Variants in RAP1B observed in about 807,000 individuals in gnomAD.
RAP1B encodes the protein RAP1B, member of RAS oncogene family.
Under a neutral mutation model 27.5 loss-of-function variants are expected in RAP1B, and 1 was observed. The ratio of observed to expected loss-of-function variants is 0.04; its 90% CI spans 0.01 to 0.17. The LOEUF is 0.17. Ranked by LOEUF, RAP1B falls within the 10% of genes least tolerant of loss-of-function variation. The pLI, the probability that RAP1B is intolerant of heterozygous loss-of-function variation, is 1.00. For synonymous variants in RAP1B, 75 were observed against 73.1 expected (o/e 1.03, Z -0.13); for missense variants, 84 against 214.8 (o/e 0.39, Z 3.81).
At chr12:68,636,335 T>G (rs1173161361) in intron 1 of RAP1B, among the ~76,000 whole-genome samples, 1 of 152,238 alleles carries the variant, frequency 6.6e-6, no homozygotes, top group Non-Finnish European at 1.5e-5. Flanking sequence ...CAATTGTCTC[T>G]GGAACCCAGA....
At position 68,664,307 on chromosome 12, in the gene RAP1B, C is replaced by G. The variant is rs928692720; in HGVS notation, c.*5058C>G. 1 of 152,168 alleles carries G rather than the reference C, an allele frequency of 6.6e-6. No homozygotes were observed. The highest frequency in any genetic ancestry group is 2.4e-5 in the African/African-American group (1 of 41,434). 9.4% of individuals were successfully genotyped at this position (152,168 alleles called of 1,614,324 possible). A position where few individuals can be genotyped will look rare whatever the true frequency, so the allele number is the denominator to read the frequency against. On this transcript the variant is annotated 3_prime_UTR_variant, in exon 8 of 8. Transcript: ENST00000250559. ...TTCTATTTATGTCTGGTAGTTATGT[C>G]CCCTGTGAGCACTAATTTCAGAACA...
At position 68,669,357 on chromosome 12, in the gene RAP1B, G is replaced by T. The variant is rs1004526141; in HGVS notation, c.*10108G>T. ...AATGATTACAATTTAAATTTCAACT[G>T]GCTGAGGCTTTGTTTTTGTTTTTGA... is the stretch of plus-strand genomic sequence containing the variant. On this transcript the variant is annotated 3_prime_UTR_variant, in exon 8 of 8. Transcript: ENST00000250559. 3 of 152,122 alleles carry T rather than the reference G, an allele frequency of 2.0e-5. No individual in the cohort carries two copies. The highest frequency in any genetic ancestry group is 4.4e-5 in the Non-Finnish European group (3 of 68,026). The allele number at this position is 152,122 out of a possible 1,614,324, so 9.4% of individuals were successfully genotyped here.
At chr12:68,642,306 C>G (rs1297222434) in intron 1 of RAP1B, among the ~76,000 whole-genome samples, 1 of 151,848 alleles carries the variant, frequency 6.6e-6, no homozygotes, top group Non-Finnish European at 1.5e-5. Context: ...AATCTTGTCA[C>G]TTATACTGGA....
intron 1 of RAP1B, among the ~76,000 whole-genome samples, chr12:68,618,212 G>A (rs549441460): frequency 7.0e-6 from 1 of 143,428 alleles, no homozygotes; most frequent in African/African-American, 2.6e-5. Flanking sequence ...TCAGCCTCTC[G>A]AGTAGCTGGG....
In RAP1B at chr12:68,660,835, A is replaced by G. The variant is rs909323534; in HGVS notation, c.*1586A>G. ...ATTTGATGAGGTAGGTAAAAGAGGA[A>G]CGATTTAACATACTTTCATGGATGT... On this transcript the variant is annotated 3_prime_UTR_variant, in exon 8 of 8. Coordinates refer to ENST00000250559, the MANE Select transcript of RAP1B (RefSeq NM_001010942.3). 6 of 152,212 alleles carry G rather than the reference A, an allele frequency of 3.9e-5. No individual in the cohort carries two copies. The highest frequency in any genetic ancestry group is 7.2e-5 in the African/African-American group (3 of 41,456). The allele number at this position is 152,212 out of a possible 1,614,324, so 9.4% of individuals were successfully genotyped here.
intron 1 of RAP1B, 23 bp downstream of exon 1, chr12:68,611,066 C>T (rs1207472690): frequency 1.5e-5 from 4 of 266,150 alleles, no homozygotes; most frequent in Non-Finnish European, 2.8e-5. Context: ...AGTGCGTGGC[C>T]GCTGAGGGAA....
At chr12:68,643,081 CAG>C in intron 1 of RAP1B, 1 of 647,142 alleles carries the variant, frequency 1.5e-6, no homozygotes, top group Non-Finnish European at 2.8e-6. Context: ...AAATTTCTTT[CAG>C]AGTTTTTCTG....
In RAP1B at chr12:68,663,394, TGAGAG is replaced by T. The variant is rs1874711607; in HGVS notation, c.*4146_*4150del. 1 of 152,254 alleles carries T rather than the reference TGAGAG, an allele frequency of 6.6e-6. No individual in the cohort carries two copies. The allele number at this position is 152,254 out of a possible 1,614,324, so 9.4% of individuals were successfully genotyped here. ...ATACATTTGATATTTCAAGAATACATGAGAGAAGAGAGGTAGATTGAGAACAGAAC... is the reference window on the plus strand; with the variant it reads ...ATACATTTGATATTTCAAGAATACATAAGAGAGGTAGATTGAGAACAGAAC... On this transcript the variant is annotated 3_prime_UTR_variant, in exon 8 of 8. Coordinates refer to ENST00000250559, the MANE Select transcript of RAP1B (RefSeq NM_001010942.3).
intron 1 of RAP1B, among the ~76,000 whole-genome samples, chr12:68,617,939 T>G (rs1228502451): frequency 1.3e-5 from 2 of 151,956 alleles, no homozygotes; most frequent in African/African-American, 4.8e-5. Context: ...AATTTTTGTA[T>G]TTTTTGTAGA....
At chr12:68,639,705 A>C (rs952110756) in intron 1 of RAP1B, among the ~76,000 whole-genome samples, 2 of 152,184 alleles carry the variant, frequency 1.3e-5, no homozygotes, top group Admixed American at 6.5e-5. Context: ...GAAAAACAGC[A>C]CCTCATAAGA....
rs1447380425 is a variant in RAP1B, at chr12:68,662,031, TA to T, written c.*2783del. ...GTCTATATATATATATATATATATA[TA>T]TTATATATAGTACATATATAGAGAG... is the stretch of plus-strand genomic sequence containing the variant. On this transcript the variant is annotated 3_prime_UTR_variant, in exon 8 of 8. Transcript: ENST00000250559. 3 of 145,822 alleles carry T rather than the reference TA, an allele frequency of 2.1e-5. No homozygotes were observed. Among genetic ancestry groups the T allele is most frequent in the Admixed American group, 1.4e-4 (2 of 14,446 alleles). 9.0% of individuals were successfully genotyped at this position (145,822 alleles called of 1,614,324 possible).
chr12:68,657,768 A>ACACACACACACACC (rs1474604534), intron 7 of RAP1B: 2 of 125,922 alleles, frequency 1.6e-5, no homozygotes, highest in African/African-American at 6.3e-5. Flanking sequence ...ACACACACAC[A>ACACACACACACACC]CACACGTGCG....
intron 4 of RAP1B, among the ~76,000 whole-genome samples, chr12:68,652,352 A>C (rs1207475615): frequency 6.6e-6 from 1 of 152,142 alleles, no homozygotes; most frequent in Non-Finnish European, 1.5e-5. Context: ...AGGCTGAGGC[A>C]GGAGAATCTC....
chr12:68,642,688 C>T (rs775903120), intron 1 of RAP1B: 92 of 1,136,720 alleles, frequency 8.1e-5, no homozygotes, highest in Non-Finnish European at 1.2e-4. Flanking sequence ...AGAGAGACAC[C>T]CACTCAGCAC....
intron 1 of RAP1B, among the ~76,000 whole-genome samples, chr12:68,633,109 A>G (rs1480674980): frequency 1.3e-5 from 2 of 152,188 alleles, no homozygotes; most frequent in East Asian, 3.8e-4. Context: ...TCTATTTCTC[A>G]TAAGCTGGGA....
chr12:68,646,488 G>T (rs1326939642), intron 1 of RAP1B, among the ~76,000 whole-genome samples: 1 of 152,236 alleles, frequency 6.6e-6, no homozygotes, highest in South Asian at 2.1e-4. Flanking sequence ...TAGAAACGGG[G>T]TTTCACCATA....
chr12:68,656,511 A>C, intron 6 of RAP1B, 62 bp downstream of exon 6: 1 of 1,517,842 alleles, frequency 6.6e-7, no homozygotes, highest in Non-Finnish European at 9.2e-7. Context: ...GATGAATGGA[A>C]AATGTCTTAA....
At chr12:68,628,892 C>T (rs867483220) in intron 1 of RAP1B, among the ~76,000 whole-genome samples, 2 of 152,212 alleles carry the variant, frequency 1.3e-5, no homozygotes, top group Admixed American at 6.5e-5. Flanking sequence ...ACAGGAAGCT[C>T]TATTGGACAG....
At chr12:68,621,060 A>C (rs1203704347) in intron 1 of RAP1B, among the ~76,000 whole-genome samples, 1 of 152,236 alleles carries the variant, frequency 6.6e-6, no homozygotes, top group Non-Finnish European at 1.5e-5. Flanking sequence ...AAGATAATTC[A>C]GTCTGAACAC....
Sources: allele counts gnomAD v4.1 joint callset (sites outside exome capture counted in the v4.1 genomes callset), GRCh38; gene constraint gnomAD v4.1.1; transcripts MANE v1.5; gene names NCBI Gene and HGNC (gene_info 2026-07-23, HGNC 2026-07-21).